The following ENOX1 variants were observed in gnomAD, a reference collection of about 807,000 sequenced individuals.
ENOX1 encodes ecto-NOX disulfide-thiol exchanger 1, also known as candidate growth-related and time keeping constitutive hydroquinone (NADH) oxidase.
A neutral mutation model predicts 82.5 loss-of-function variants in ENOX1; 42 were observed. The ratio of observed to expected loss-of-function variants is 0.51; its 90% CI spans 0.40 to 0.66. ENOX1 has a LOEUF of 0.66. Ranked by LOEUF, ENOX1 falls within the 30% of genes least tolerant of loss-of-function variation. ENOX1 has a pLI of 0.00. For missense variants in ENOX1, 608 were observed against 811.6 expected (o/e 0.75, Z 3.05); for synonymous variants, 271 against 282.2 (o/e 0.96, Z 0.40).
chr13:43,606,377 T>C (rs922746666), intron 2 of ENOX1, among the ~76,000 whole-genome samples: 1 of 152,160 alleles, frequency 6.6e-6, no homozygotes, highest in Non-Finnish European at 1.5e-5. Flanking sequence ...ATTGCAGCAC[T>C]ATTCGCAATA....
At chr13:43,731,900 G>A (rs964930907) in intron 1 of ENOX1, among the ~76,000 whole-genome samples, 3 of 152,200 alleles carry the variant, frequency 2.0e-5, no homozygotes, top group African/African-American at 7.2e-5. Flanking sequence ...AAAGAAAGGA[G>A]CTTGCCCCTG....
At chr13:43,444,046 G>A (rs1437592452) in intron 3 of ENOX1, among the ~76,000 whole-genome samples, 1 of 152,212 alleles carries the variant, frequency 6.6e-6, no homozygotes, top group Non-Finnish European at 1.5e-5. Context: ...GAGAAAGTGA[G>A]AACGCTGCAG....
chr13:43,225,318 C>T (rs556340429), intron 15 of ENOX1, among the ~76,000 whole-genome samples: 11 of 152,246 alleles, frequency 7.2e-5, no homozygotes, highest in African/African-American at 2.6e-4. Context: ...GGGATTATGC[C>T]CATTACCAGG....
At chr13:43,458,603 C>T (rs1366735882) in intron 3 of ENOX1, 2 of 152,020 alleles carry the variant, frequency 1.3e-5, no homozygotes, top group Non-Finnish European at 2.9e-5. Context: ...TTGCTATCTA[C>T]TTTTATATAA....
intron 2 of ENOX1, among the ~76,000 whole-genome samples, chr13:43,486,859 C>T (rs2076441547): frequency 6.6e-6 from 1 of 152,156 alleles, no homozygotes; most frequent in Admixed American, 6.5e-5. Flanking sequence ...GAGTAACATA[C>T]AATAAGAACT....
chr13:43,707,748 AAAAAAAAAC>A lies in ENOX1; in HGVS notation c.-284-40213_-284-40205del, dbSNP rs1432611286. Among the ~76,000 whole-genome samples the A allele has an allele frequency of 2.3e-3, 342 of 149,646 alleles. 2 individuals are homozygous for A. The highest frequency in any genetic ancestry group is 7.9e-3 in the African/African-American group (325 of 40,910). ...CTCTGTCTCAAAAAAAAAAAAAAAA[AAAAAAAAAC>A]CAAGAACAAAGTAGAAAGATTTACA... On this transcript the variant is annotated intron_variant, in intron 1 of 16. Coordinates refer to ENST00000690772, the MANE Select transcript of ENOX1 (RefSeq NM_001347969.2).
chr13:43,545,455 C>A (rs912513314), intron 2 of ENOX1: 3 of 152,120 alleles, frequency 2.0e-5, no homozygotes, highest in African/African-American at 7.2e-5. Flanking sequence ...CATAAGAGAC[C>A]CCGGGGTGGA....
At chr13:43,306,614 G>A (rs2046879609) in intron 11 of ENOX1, among the ~76,000 whole-genome samples, 1 of 152,104 alleles carries the variant, frequency 6.6e-6, no homozygotes, top group Admixed American at 6.6e-5. Flanking sequence ...AGTTGGTCTT[G>A]GCCAAAGACA....
intron 2 of ENOX1, among the ~76,000 whole-genome samples, chr13:43,630,719 CA>C (rs537405931): frequency 3.3e-5 from 5 of 151,368 alleles, no homozygotes; most frequent in Admixed American, 2.0e-4. Context: ...ATATTTCATA[CA>C]AAAAATACAT....
At chr13:43,524,485 C>T (rs368947836) in intron 2 of ENOX1, among the ~76,000 whole-genome samples, 10 of 152,168 alleles carry the variant, frequency 6.6e-5, no homozygotes, top group African/African-American at 2.4e-4. Flanking sequence ...AAACAAGGCC[C>T]CTCCTCACGC....
chr13:43,214,049 C>T lies in ENOX1; in HGVS notation c.1873G>A (p.Gly625Arg). The change falls in exon 17 of 17, where the codon GGA becomes AGA. Residue 625 changes from glycine to arginine, a missense_variant. Transcript: ENST00000690772. ...RMFKQEFTGV[G>R]ATLEKRWKLC... ...TTCCATCTTTTTTCCAGCGTGGCTC[C>T]CACACCCGTGAATTCCTGTTTGAAC... 6.2e-7 allele frequency: 1 copy of T among 1,613,720 alleles called. No individual in the cohort carries two copies. The highest frequency in any genetic ancestry group is 1.1e-5 in the South Asian group (1 of 91,004).
intron 2 of ENOX1, among the ~76,000 whole-genome samples, chr13:43,660,071 C>G (rs1031481721): frequency 6.6e-6 from 1 of 152,210 alleles, no homozygotes; most frequent in Non-Finnish European, 1.5e-5. Flanking sequence ...TCAACCAATA[C>G]TTCTCAACTG....
chr13:43,582,455 T>G (rs961574001), intron 2 of ENOX1, among the ~76,000 whole-genome samples: 2 of 152,178 alleles, frequency 1.3e-5, no homozygotes, highest in Non-Finnish European at 2.9e-5. Context: ...ATAAATAAAT[T>G]GAGAAGCTGG....
At chr13:43,538,084 T>TAC (rs1251616498) in intron 2 of ENOX1, among the ~76,000 whole-genome samples, 1 of 152,236 alleles carries the variant, frequency 6.6e-6, no homozygotes, top group Non-Finnish European at 1.5e-5. Flanking sequence ...CCTCAGCCTG[T>TAC]ACCAGGGTTC....
intron 2 of ENOX1, among the ~76,000 whole-genome samples, chr13:43,610,665 ACT>A (rs1441176561): frequency 6.6e-6 from 1 of 152,012 alleles, no homozygotes; most frequent in African/African-American, 2.4e-5. Context: ...GGCAGAGGTA[ACT>A]CTCACAGATA....
chr13:43,607,250 A>G lies in ENOX1; in HGVS notation c.-219+60229T>C, dbSNP rs116040561. On this transcript the variant is annotated intron_variant, in intron 2 of 16. Transcript: ENST00000690772. ...CACTTGCTACGTAACCACAAAAATT[A>G]AAAATTAAAAAAAAAATCACAGAGT... Among the ~76,000 whole-genome samples the G allele has an allele frequency of 2.5e-3, 381 of 152,040 alleles. 1 individual carries two copies. The highest frequency in any genetic ancestry group is 8.9e-3 in the African/African-American group (366 of 41,348).
intron 8 of ENOX1, among the ~76,000 whole-genome samples, chr13:43,351,531 T>C (rs2153552675): frequency 6.8e-6 from 1 of 146,636 alleles, no homozygotes; most frequent in South Asian, 2.2e-4. Context: ...ACCCACTAAC[T>C]CGTCATCTAG....
At chr13:43,590,744 C>T (rs1457766557) in intron 2 of ENOX1, among the ~76,000 whole-genome samples, 1 of 141,662 alleles carries the variant, frequency 7.1e-6, no homozygotes, top group African/African-American at 2.7e-5. Context: ...CCACTGTGCT[C>T]TAGCCTGGGC....
intron 2 of ENOX1, among the ~76,000 whole-genome samples, chr13:43,503,583 G>A (rs1314865956): frequency 6.6e-6 from 1 of 151,566 alleles, no homozygotes; most frequent in Non-Finnish European, 1.5e-5. Context: ...ACCCAGGCAT[G>A]TAAGATCCAA....
Sources: allele counts gnomAD v4.1 joint callset (sites outside exome capture counted in the v4.1 genomes callset), GRCh38; gene constraint gnomAD v4.1.1; transcripts MANE v1.5; gene names NCBI Gene and HGNC (gene_info 2026-07-23, HGNC 2026-07-21).